AKAP13: variants seen among roughly 807,000 people sequenced by gnomAD.
AKAP13 encodes A-kinase anchoring protein 13, also known as A-kinase anchor protein 13.
Under a neutral mutation model 264.5 loss-of-function variants are expected in AKAP13, and 80 were observed. The ratio of observed to expected loss-of-function variants is 0.30; its 90% CI spans 0.25 to 0.36. The LOEUF is 0.36. Ranked by LOEUF, AKAP13 falls within the 10% of genes least tolerant of loss-of-function variation. AKAP13 has a pLI of 1.00. For synonymous variants in AKAP13, 1,380 were observed against 1,250.2 expected (o/e 1.10, Z -2.19); for missense variants, 3,712 against 3,435.2 (o/e 1.08, Z -2.01).
At chr15:85,735,438 CT>C in intron 31 of AKAP13, 121 bp from the exon 32 acceptor site, 2 of 1,058,730 alleles carry the variant, frequency 1.9e-6, no homozygotes, top group Non-Finnish European at 2.7e-6. Context: ...GCAGCTCCCC[CT>C]TTTTGGGGGC....
At chr15:85,667,258 T>C (rs576441244) in intron 13 of AKAP13, among the ~76,000 whole-genome samples, 4 of 152,354 alleles carry the variant, frequency 2.6e-5, no homozygotes, top group Admixed American at 2.6e-4. Flanking sequence ...GTAACACTTA[T>C]GCTTGTGTGA....
At chr15:85,449,220 C>A (rs1306248349) in intron 1 of AKAP13, among the ~76,000 whole-genome samples, 2 of 151,892 alleles carry the variant, frequency 1.3e-5, no homozygotes, top group Non-Finnish European at 1.5e-5. Context: ...TGATTTGGCT[C>A]TCGATTTGGT....
At chr15:85,716,002 CTTTT>C in intron 20 of AKAP13, 79 bp downstream of exon 20, 1 of 1,269,276 alleles carries the variant, frequency 7.9e-7, no homozygotes, top group Non-Finnish European at 1.0e-6. Context: ...TGACAAAAAG[CTTTT>C]TTTTTTTTTT....
intron 9 of AKAP13, among the ~76,000 whole-genome samples, chr15:85,642,080 G>A (rs1370489629): frequency 6.6e-6 from 1 of 152,180 alleles, no homozygotes; most frequent in Admixed American, 6.5e-5. Flanking sequence ...GGCCCTACCT[G>A]TGTCCACCTT....
chr15:85,568,713 G>A (rs185123674), intron 5 of AKAP13, among the ~76,000 whole-genome samples: 1 of 152,204 alleles, frequency 6.6e-6, no homozygotes, highest in Admixed American at 6.5e-5. Context: ...AGGATGCTTC[G>A]CAGAATTAAG....
Position 85,664,722 on chromosome 15 carries a change from A to C in AKAP13, c.4959A>C (p.Ser1653=). The part of the protein sequence containing the change: ...LVSLSEEDLE[S]DQREHRMFDQ... ...CACTTTCAGAAGAGGATCTGGAGTC[A>C]GACCAGAGAGAACATAGGATGTTTG... is the stretch of plus-strand genomic sequence containing the variant. Residue 1653 remains serine (S), a synonymous_variant, in exon 13 of 37, where the codon TCA becomes TCC. Coordinates refer to ENST00000394518, the MANE Select transcript of AKAP13 (RefSeq NM_007200.5). 6.2e-7 allele frequency: 1 copy of C among 1,613,994 alleles called. No homozygotes were observed. The highest frequency in any genetic ancestry group is 8.5e-7 in the Non-Finnish European group (1 of 1,179,914).
chr15:85,639,260 C>A (rs923557029), intron 8 of AKAP13, 114 bp from the exon 9 acceptor site: 1 of 730,174 alleles, frequency 1.4e-6, no homozygotes, highest in Non-Finnish European at 2.3e-6. Flanking sequence ...AGTTTGCTCA[C>A]CCTGTATTAA....
intron 2 of AKAP13, among the ~76,000 whole-genome samples, chr15:85,495,682 T>C (rs950108276): frequency 6.6e-6 from 1 of 152,218 alleles, no homozygotes; most frequent in African/African-American, 2.4e-5. Flanking sequence ...ACCTGCCATA[T>C]GTTTGGGATA....
chr15:85,399,477 T>G (rs2071283651), intron 1 of AKAP13, among the ~76,000 whole-genome samples: 1 of 118,764 alleles, frequency 8.4e-6, no homozygotes, highest in South Asian at 2.6e-4. Flanking sequence ...CAGTCCGGCC[T>G]GGGCGACAGA....
Position 85,484,666 on chromosome 15 carries a change from A to G in AKAP13, c.-11-1044A>G, listed in dbSNP as rs556821853. The stretch of plus-strand genomic sequence containing the variant: ...GAAGTCTTGATCCGAGACATACACA[A>G]CTTGATCTGTGAGGATTGTAATATC... On this transcript the variant is annotated intron_variant, in intron 1 of 36. Coordinates refer to ENST00000394518, the MANE Select transcript of AKAP13 (RefSeq NM_007200.5). 2.0e-5 allele frequency among the ~76,000 whole-genome samples: 3 copies of G among 152,340 alleles called. No individual in the cohort carries two copies. The East Asian group carries it at 5.8e-4, about 29-fold the overall frequency.
chr15:85,473,324 G>C (rs2075034917), intron 1 of AKAP13, among the ~76,000 whole-genome samples: 1 of 152,080 alleles, frequency 6.6e-6, no homozygotes, highest in African/African-American at 2.4e-5. Flanking sequence ...TGATGTGGAA[G>C]GCACAAGTAA....
chr15:85,494,305 G>A (rs2075813765), intron 2 of AKAP13, among the ~76,000 whole-genome samples: 1 of 152,164 alleles, frequency 6.6e-6, no homozygotes, highest in East Asian at 1.9e-4. Flanking sequence ...AAGGAAACAA[G>A]AGTTTTAGAC....
intron 13 of AKAP13, 46 bp from the exon 14 acceptor site, chr15:85,669,676 T>A: frequency 2.2e-6 from 3 of 1,358,162 alleles, no homozygotes; most frequent in Non-Finnish European, 3.2e-6. Context: ...TCTAGAAATA[T>A]GAGAGTATAT....
intron 1 of AKAP13, among the ~76,000 whole-genome samples, chr15:85,472,860 T>C (rs900513136): frequency 6.6e-6 from 1 of 152,226 alleles, no homozygotes; most frequent in Non-Finnish European, 1.5e-5. Context: ...TGCATAATGA[T>C]AAACTGTTGT....
At chr15:85,445,843 A>G (rs906072589) in intron 1 of AKAP13, among the ~76,000 whole-genome samples, 1 of 152,108 alleles carries the variant, frequency 6.6e-6, no homozygotes, top group African/African-American at 2.4e-5. Flanking sequence ...TTTAATTTCT[A>G]TGGATACATA....
intron 29 of AKAP13, among the ~76,000 whole-genome samples, chr15:85,728,884 A>C (rs1441642851): frequency 2.0e-5 from 3 of 152,088 alleles, no homozygotes; most frequent in African/African-American, 7.2e-5. Context: ...GAAGATAGTT[A>C]GGAGAGTTGC....
chr15:85,458,386 G>GTTTTTTTTTTTTTTTTTTTTTTTTTTT (rs1160050565), intron 1 of AKAP13, among the ~76,000 whole-genome samples: 4 of 103,930 alleles, frequency 3.8e-5, no homozygotes, highest in African/African-American at 1.5e-4. Flanking sequence ...TGTATTTTTT[G>GTTTTTTTTTTTTTTTTTTTTTTTTTTT]TTTTTTGTTT....
chr15:85,619,569 C>T lies in AKAP13; in HGVS notation c.4162-19805C>T, dbSNP rs1045745691. On this transcript the variant is annotated intron_variant, in intron 8 of 36. Coordinates refer to ENST00000394518, the MANE Select transcript of AKAP13 (RefSeq NM_007200.5). ...TCTTTGTTTTTGTTTTAAGCAAGAA[C>T]AGAATCTAATGACTTTTTTCATGCC... 10 of 985,246 alleles carry T rather than the reference C, an allele frequency of 1.0e-5. No individual in the cohort carries two copies. The African/African-American group carries it at 1.7e-4, about 17-fold the overall frequency. 61.0% of individuals were successfully genotyped at this position (985,246 alleles called of 1,614,324 possible). A position where few individuals can be genotyped will look rare whatever the true frequency, so the allele number is the denominator to read the frequency against.
At chr15:85,738,406 G>T (rs1158716376) in intron 33 of AKAP13, among the ~76,000 whole-genome samples, 1 of 151,764 alleles carries the variant, frequency 6.6e-6, no homozygotes, top group East Asian at 1.9e-4. Flanking sequence ...AAAAAAAAAA[G>T]AATAAGGGGT....
Sources: allele counts gnomAD v4.1 joint callset (sites outside exome capture counted in the v4.1 genomes callset), GRCh38; gene constraint gnomAD v4.1.1; transcripts MANE v1.5; gene names NCBI Gene and HGNC (gene_info 2026-07-23, HGNC 2026-07-21).